DCAF8: variants seen among roughly 807,000 people sequenced by gnomAD.
The protein encoded by DCAF8 is DDB1- and CUL4-associated factor 8.
In DCAF8, 20 loss-of-function variants were observed where a neutral mutation model predicts 68.0. The observed-to-expected ratio is 0.29, with a 90% confidence interval of 0.21 to 0.43. DCAF8 has a LOEUF of 0.43. Ranked by LOEUF, DCAF8 falls within the 20% of genes least tolerant of loss-of-function variation. The pLI, the probability that DCAF8 is intolerant of heterozygous loss-of-function variation, is 1.00. For synonymous variants in DCAF8, 230 were observed against 276.9 expected (o/e 0.83, Z 1.68); for missense variants, 460 against 771.0 (o/e 0.60, Z 4.78).
intron 11 of DCAF8, 132 bp from the exon 12 acceptor site, chr1:160,219,100 C>A: frequency 7.7e-7 from 1 of 1,292,484 alleles, no homozygotes; most frequent in South Asian, 1.5e-5. Context: ...GAGGCCCACC[C>A]ATCCTGAGCC....
Position 160,256,012 on chromosome 1 carries a change from C to CTTTTT in DCAF8, c.-27+5268_-27+5272dup, listed in dbSNP as rs11284812. 1.1e-4 allele frequency among the ~76,000 whole-genome samples: 8 copies of CTTTTT among 75,526 alleles called. No homozygotes were observed. In the East Asian group the frequency reaches 2.7e-3, roughly 25 times the overall value. The allele number at this position is 75,526 out of a possible 152,430, so 49.5% of individuals were successfully genotyped here. ...ATTTCCAGCAGCAGAACTAAGCAAA[C>CTTTTT]TTTTTTTTTTTTTTTTTTTTTTTTT... On this transcript the variant is annotated intron_variant, in intron 2 of 13. Transcript: ENST00000368074.
At chr1:160,261,592 C>T (rs891805479) in intron 1 of DCAF8, 2 of 152,162 alleles carry the variant, frequency 1.3e-5, no homozygotes, top group African/African-American at 4.8e-5. Context: ...AACGTAAAGT[C>T]ATTTAAAAGG....
rs186360966 is a variant in DCAF8 at position 160,240,047 on chromosome 1, G to A, written c.373C>T (p.Arg125Cys). The A allele has an allele frequency of 1.1e-5, 17 of 1,614,226 alleles. No individual in the cohort carries two copies. In the African/African-American group the frequency reaches 1.1e-4, roughly 10 times the overall value. The change falls in exon 4 of 14, where the codon CGT (arginine) becomes TGT (cysteine). Residue 125 changes from arginine to cysteine, a missense_variant. Physicochemically the swap from Arg to Cys is radical, Grantham distance 180. Coordinates refer to ENST00000368074, the MANE Select transcript of DCAF8 (RefSeq NM_015726.4). ...RRRVQRKRANRDQDSSDDERA... is the reference protein window; with the variant it reads ...RRRVQRKRANCDQDSSDDERA... ...TCATCATCTGATGAGTCCTGGTCAC[G>A]GTTAGCCCGCTTGCGCTGTACACGG... is the stretch of plus-strand genomic sequence containing the variant.
chr1:160,253,061 C>T (rs1323611090), intron 2 of DCAF8, among the ~76,000 whole-genome samples: 1 of 152,056 alleles, frequency 6.6e-6, no homozygotes, highest in Non-Finnish European at 1.5e-5. Context: ...CAATTAGTTA[C>T]CTAAGAAGGC....
chr1:160,230,586 G>A (rs1458022116), intron 7 of DCAF8, among the ~76,000 whole-genome samples: 1 of 152,122 alleles, frequency 6.6e-6, no homozygotes, highest in East Asian at 1.9e-4. Context: ...CACACTAAGT[G>A]CTCCCAAGTC....
At chr1:160,245,417 C>A (rs1571104258) in intron 2 of DCAF8, among the ~76,000 whole-genome samples, 1 of 152,190 alleles carries the variant, frequency 6.6e-6, no homozygotes, top group Non-Finnish European at 1.5e-5. Context: ...CCCTTTCATT[C>A]CCATGACAAT....
intron 2 of DCAF8, among the ~76,000 whole-genome samples, chr1:160,251,632 T>C (rs1656600520): frequency 6.6e-6 from 1 of 152,036 alleles, no homozygotes; most frequent in African/African-American, 2.4e-5. Context: ...ACTGCCACAC[T>C]CAGCTAAATT....
chr1:160,234,296 T>C (rs948417360), intron 6 of DCAF8, among the ~76,000 whole-genome samples: 14 of 151,120 alleles, frequency 9.3e-5, no homozygotes, highest in East Asian at 3.9e-4. Context: ...TTTCACCCCA[T>C]GCCAGCCTGT....
intron 2 of DCAF8, among the ~76,000 whole-genome samples, chr1:160,248,628 G>A (rs1571107673): frequency 6.6e-6 from 1 of 151,520 alleles, no homozygotes; most frequent in South Asian, 2.1e-4. Flanking sequence ...CCAGCTACTA[G>A]GGAGGAGGAG....
intron 2 of DCAF8, 44 bp from the exon 3 acceptor site, chr1:160,244,078 C>G (rs1332001352): frequency 2.1e-6 from 3 of 1,441,592 alleles, no homozygotes; most frequent in Non-Finnish European, 2.9e-6. Context: ...AGGAAACCAC[C>G]TGGGAAAGAA....
intron 3 of DCAF8, among the ~76,000 whole-genome samples, chr1:160,241,176 C>T (rs772292419): frequency 1.1e-4 from 16 of 152,218 alleles, no homozygotes; most frequent in Non-Finnish European, 1.6e-4. Flanking sequence ...ACCACTACAC[C>T]TTCTGTCACC....
chr1:160,243,509 G>A (rs1445331192), intron 3 of DCAF8, among the ~76,000 whole-genome samples: 1 of 151,134 alleles, frequency 6.6e-6, no homozygotes, highest in African/African-American at 2.4e-5. Context: ...CTCCCAAAGT[G>A]CTGAGATTAT....
Position 160,240,366 on chromosome 1 carries a change from G to C in DCAF8, c.54C>G (p.Ser18Arg). The change falls in exon 4 of 14, where the codon AGC (serine) becomes AGG (arginine). Residue 18 changes from serine to arginine, a missense_variant. Physicochemically the swap from Ser to Arg is moderately radical, Grantham distance 110. Coordinates refer to ENST00000368074, the MANE Select transcript of DCAF8 (RefSeq NM_015726.4). Reference sequence around the variant, plus strand: ...ACATCTCCTCTGGACTGCTAGACAGGCTTCCTGCATGTTAGTGAGGAAGGA... The same window carrying C: ...ACATCTCCTCTGGACTGCTAGACAGCCTTCCTGCATGTTAGTGAGGAAGGA... ...TDGRTDLANG[S>R]LSSSPEEMSG... 6.2e-7 allele frequency: 1 copy of C among 1,605,602 alleles called. No homozygotes were observed. Among genetic ancestry groups the C allele is most frequent in the Non-Finnish European group, 8.5e-7 (1 of 1,175,192 alleles).
chr1:160,248,201 G>A (rs1656430444), intron 2 of DCAF8, among the ~76,000 whole-genome samples: 1 of 152,024 alleles, frequency 6.6e-6, no homozygotes, highest in Admixed American at 6.6e-5. Flanking sequence ...CTGCTACTGG[G>A]GAAGCTGAGA....
chr1:160,234,098 T>C (rs1655787007), intron 6 of DCAF8, among the ~76,000 whole-genome samples: 1 of 152,186 alleles, frequency 6.6e-6, no homozygotes, highest in African/African-American at 2.4e-5. Context: ...CCTAAGATGT[T>C]AGTCAATTTC....
Position 160,239,667 on chromosome 1 carries a change from C to G in DCAF8, c.723+30G>C, listed in dbSNP as rs368164596. On this transcript the variant is annotated intron_variant, in intron 4 of 13. Coordinates refer to ENST00000368074, the MANE Select transcript of DCAF8 (RefSeq NM_015726.4). ...ATTTCTCTAACTCATGCCTGATTCT[C>G]TCAGTTGCTATTATGCTCCCTTGCC... 338 of 1,614,094 alleles carry G rather than the reference C, an allele frequency of 2.1e-4. 3 individuals carry two copies. The highest frequency in any genetic ancestry group is 1.9e-4 in the Non-Finnish European group (225 of 1,180,042).
intron 7 of DCAF8, among the ~76,000 whole-genome samples, chr1:160,229,838 A>G (rs1235258470): frequency 6.6e-6 from 1 of 152,188 alleles, no homozygotes. Flanking sequence ...CCTGGCTAAC[A>G]CGGTGAGACC....
In DCAF8 at chr1:160,243,977, C is replaced by T. The variant is rs756929378; in HGVS notation, c.32G>A (p.Arg11Lys). 6.2e-7 allele frequency: 1 copy of T among 1,614,158 alleles called. No individual in the cohort carries two copies. Among genetic ancestry groups the T allele is most frequent in the Admixed American group, 1.7e-5 (1 of 60,016 alleles). The change falls in exon 3 of 14, where the codon AGA becomes AAA. Residue 11 changes from arginine to lysine, a missense_variant. Physicochemically the swap from Arg to Lys is conservative, Grantham distance 26. Around this residue, in one of 8 missense-constraint regions of DCAF8, gnomAD observed 156 missense variants for 181.4 expected, o/e 0.86. Transcript: ENST00000368074. ...CCCCTTACCATTAGCTAAGTCTGTTCTGCCATCTGTGCTGCTCCCTTTGCT... is the reference window on the plus strand; with the variant it reads ...CCCCTTACCATTAGCTAAGTCTGTTTTGCCATCTGTGCTGCTCCCTTTGCT... MSSKGSSTDG[R>K]TDLANGSLSS... is the part of the protein sequence containing the mutation.
In DCAF8 at chr1:160,239,033, G is replaced by A. The variant is rs527789684; in HGVS notation, c.724-286C>T. On this transcript the variant is annotated intron_variant, in intron 4 of 13. Transcript: ENST00000368074. ...ATGAACTAGGACTGTATCTAGCAGA[G>A]GAGAAAAGGAATAGAGGAGGAAAAA... is the stretch of plus-strand genomic sequence containing the variant. The A allele has an allele frequency of 1.4e-5, 7 of 490,318 alleles. No homozygotes were observed. The South Asian group carries it at 2.5e-4, about 18-fold the overall frequency. The allele number at this position is 490,318 out of a possible 1,614,324, so 30.4% of individuals were successfully genotyped here.
Sources: allele counts gnomAD v4.1 joint callset (sites outside exome capture counted in the v4.1 genomes callset), GRCh38; gene constraint gnomAD v4.1.1; regional missense constraint gnomAD v4.1.1; transcripts MANE v1.5; gene names NCBI Gene and HGNC (gene_info 2026-07-23, HGNC 2026-07-21).